DHX37: variants seen among roughly 807,000 people sequenced by gnomAD.
The protein encoded by DHX37 is probable ATP-dependent RNA helicase DHX37.
A neutral mutation model predicts 134.3 loss-of-function variants in DHX37; 52 were observed. That is an observed-to-expected ratio of 0.39 (90% CI 0.31 to 0.49). The LOEUF (loss-of-function observed/expected upper bound fraction) is 0.49, where lower values mean the gene tolerates loss of function less well. DHX37 is among the 20% of genes least tolerant of loss of function. The pLI is 0.93. For missense variants in DHX37, 1,344 were observed against 1,580.8 expected (o/e 0.85, Z 2.54); for synonymous variants, 634 against 670.7 (o/e 0.95, Z 0.85).
chr12:124,964,485 C>A lies in DHX37; in HGVS notation c.1954G>T (p.Val652Leu). Reference sequence around the variant, plus strand: ...ACCCAGGTGACACGGAAGGAGGATACGCCAGTGACGCGGTCGTAGTAGCGT... The same window carrying A: ...ACCCAGGTGACACGGAAGGAGGATAAGCCAGTGACGCGGTCGTAGTAGCGT... ...KKRYYDRVTG[V>L]SSFRVTWVSQ... Residue 652 changes from valine to leucine, a missense_variant, in exon 15 of 27, where the codon GTA (valine) becomes TTA (leucine). By Grantham distance (32) the Val-to-Leu change is conservative. Around this residue, in one of 7 missense-constraint regions of DHX37, gnomAD observed 39 missense variants for 87.9 expected, o/e 0.44. Transcript: ENST00000308736. 1 of 1,614,204 alleles carries A rather than the reference C, an allele frequency of 6.2e-7. No homozygotes were observed. The highest frequency in any genetic ancestry group is 8.5e-7 in the Non-Finnish European group (1 of 1,180,024).
chr12:124,965,935 C>A, intron 12 of DHX37, 123 bp from the exon 13 acceptor site: 5 of 1,237,788 alleles, frequency 4.0e-6, no homozygotes, highest in Non-Finnish European at 5.5e-6. Context: ...CCATGCAACC[C>A]GGGGCAGGCC....
At position 124,971,627 on chromosome 12, in the gene DHX37, C is replaced by T. The variant is rs185084768; in HGVS notation, c.1078-212G>A. On this transcript the variant is annotated intron_variant, in intron 7 of 26. Coordinates refer to ENST00000308736, the MANE Select transcript of DHX37 (RefSeq NM_032656.4). ...GGTGGGGCCGTGGGCAGTTGGACAG[C>T]AGGTGCCACACAGACAGGGGCCACC... Among the ~76,000 whole-genome samples, 59 of 152,288 alleles carry T rather than the reference C, an allele frequency of 3.9e-4. 3 individuals are homozygous for T. The East Asian group carries it at 9.3e-3, about 24-fold the overall frequency.
At chr12:124,967,045 G>C in intron 11 of DHX37, 78 bp downstream of exon 11, 5 of 1,562,808 alleles carry the variant, frequency 3.2e-6, no homozygotes, top group Non-Finnish European at 4.4e-6. Context: ...TCAGAGGCAG[G>C]AGCTGCACCC....
chr12:124,949,909 G>C lies in DHX37; in HGVS notation c.3290+77C>G, dbSNP rs1203951979. ...TAAGCCTCCCTGTGTGTGGTGCTTTGTCCTGGCAGCCCCGGGGAGGTCATT... is the reference window on the plus strand; with the variant it reads ...TAAGCCTCCCTGTGTGTGGTGCTTTCTCCTGGCAGCCCCGGGGAGGTCATT... On this transcript the variant is annotated intron_variant, in intron 25 of 26. Coordinates refer to ENST00000308736, the MANE Select transcript of DHX37 (RefSeq NM_032656.4). The surrounding 1 kb of genome is among the most constrained non-coding windows in gnomAD (Gnocchi z 4.0). The C allele has an allele frequency of 1.4e-5, 21 of 1,458,992 alleles. No homozygotes were observed. Among genetic ancestry groups the C allele is most frequent in the Non-Finnish European group, 1.8e-5 (19 of 1,069,652 alleles). 90.4% of individuals were successfully genotyped at this position (1,458,992 alleles called of 1,614,324 possible).
At position 124,980,384 on chromosome 12, in the gene DHX37, T is replaced by C. The variant is rs1206552604; in HGVS notation, c.738+106A>G. The C allele has an allele frequency of 6.4e-6, 8 of 1,254,566 alleles. No individual in the cohort carries two copies. The Admixed American group carries it at 1.1e-4, about 17-fold the overall frequency. The allele number at this position is 1,254,566 out of a possible 1,614,324, so 77.7% of individuals were successfully genotyped here. On this transcript the variant is annotated intron_variant, in intron 4 of 26. Transcript: ENST00000308736. This position sits in a 1 kb window ranked among gnomAD's most constrained non-coding sequence, Gnocchi z 5.3. ...CTCTCCCCTTTCCCAGATGGGGACATGGAGGCACAGAGAAGGGATGCCCTT... is the reference window on the plus strand; with the variant it reads ...CTCTCCCCTTTCCCAGATGGGGACACGGAGGCACAGAGAAGGGATGCCCTT...
chr12:124,969,085 C>T, intron 8 of DHX37, 117 bp from the exon 9 acceptor site: 1 of 974,240 alleles, frequency 1.0e-6, no homozygotes. Context: ...CACCCTCTGC[C>T]CCTTTCTGGA....
At chr12:124,972,020 C>A (rs1954534702) in intron 7 of DHX37, among the ~76,000 whole-genome samples, 1 of 152,226 alleles carries the variant, frequency 6.6e-6, no homozygotes, top group African/African-American at 2.4e-5. Context: ...GCCCCAGCGG[C>A]CCCTCCCCTT....
Position 124,975,414 on chromosome 12 carries a change from C to G in DHX37, c.980+5G>C. On this transcript the variant is annotated splice_donor_5th_base_variant and intron_variant, in intron 6 of 26. Transcript: ENST00000308736. ...TAGTCCGCCCCAGGGAAGTAGAGCC[C>G]TCACCGCTGGGACAGATTCATCTCC... 6.2e-7 allele frequency: 1 copy of G among 1,612,716 alleles called. No individual in the cohort carries two copies. The highest frequency in any genetic ancestry group is 8.5e-7 in the Non-Finnish European group (1 of 1,179,850).
rs781670352 is a variant in DHX37 at position 124,988,943 on chromosome 12, G to A, written c.80C>T (p.Pro27Leu). Residue 27 changes from proline to leucine, a missense_variant, in exon 1 of 27, where the codon CCG becomes CTG. By Grantham distance (98) the Pro-to-Leu change is moderately conservative (BLOSUM62 -3). Transcript: ENST00000308736. ...CTCCAGTTCCAGCTGCACGGGGGGC[G>A]GCTCGGGGGGGCCCTTCGAGGGTCC... is the stretch of plus-strand genomic sequence containing the variant. ...GPGPSKGPPE[P>L]PPVQLELEDK... 2 of 1,338,388 alleles carry A rather than the reference G, an allele frequency of 1.5e-6. No individual in the cohort carries two copies. The highest frequency in any genetic ancestry group is 1.5e-5 in the African/African-American group (1 of 66,636). 82.9% of individuals were successfully genotyped at this position (1,338,388 alleles called of 1,614,324 possible).
In DHX37 at chr12:124,949,216, G is replaced by A. The variant is rs1953926309; in HGVS notation, c.3290+770C>T. On this transcript the variant is annotated intron_variant, in intron 25 of 26. Transcript: ENST00000308736. The surrounding 1 kb of genome is among the most constrained non-coding windows in gnomAD (Gnocchi z 4.0). ...GGCCACACTGGAAAACGTGAGCTGAGTGACTGACACGGCTCCTGACAGCCC... is the reference window on the plus strand; with the variant it reads ...GGCCACACTGGAAAACGTGAGCTGAATGACTGACACGGCTCCTGACAGCCC... 6.6e-6 allele frequency among the ~76,000 whole-genome samples: 1 copy of A among 152,222 alleles called. No homozygotes were observed. The highest frequency in any genetic ancestry group is 1.5e-5 in the Non-Finnish European group (1 of 68,042).
intron 15 of DHX37, among the ~76,000 whole-genome samples, chr12:124,964,103 G>A (rs1179845140): frequency 6.7e-6 from 1 of 148,742 alleles, no homozygotes; most frequent in Admixed American, 6.9e-5. Context: ...GCTAAGGCAG[G>A]AGAATTGCTT....
chr12:124,966,660 G>T, intron 12 of DHX37, 133 bp downstream of exon 12: 1 of 950,606 alleles, frequency 1.1e-6, no homozygotes, highest in South Asian at 1.6e-5. Context: ...CACTGTGCCT[G>T]ACCAGGAACT....
chr12:124,969,084 C>T, intron 8 of DHX37, 116 bp from the exon 9 acceptor site: 1 of 986,920 alleles, frequency 1.0e-6, no homozygotes, highest in Non-Finnish European at 1.5e-6. Flanking sequence ...CCACCCTCTG[C>T]CCCTTTCTGG....
At chr12:124,982,122 C>CA (rs1224123465) in intron 3 of DHX37, among the ~76,000 whole-genome samples, 3,673 of 117,068 alleles carry the variant, frequency 0.031, 118 homozygotes, top group African/African-American at 0.096. Flanking sequence ...GACTCTGTCT[C>CA]AAAAAAAAAA....
In DHX37 at chr12:124,989,124, TC is replaced by T. The variant is rs952834199; in HGVS notation, c.-103del. On this transcript the variant is annotated 5_prime_UTR_variant, in exon 1 of 27. Transcript: ENST00000308736. ...GACCACCAACTCCGGCCGTGAGACT[TC>T]CGGGTTGTGTTATCGCGAGAACTGT... 1.4e-6 allele frequency: 1 copy of T among 711,594 alleles called. No individual in the cohort carries two copies. The highest frequency in any genetic ancestry group is 1.8e-5 in the African/African-American group (1 of 54,076). The allele number at this position is 711,594 out of a possible 1,614,324, so 44.1% of individuals were successfully genotyped here. A position where few individuals can be genotyped will look rare whatever the true frequency, so the allele number is the denominator to read the frequency against.
chr12:124,956,791 C>A lies in DHX37; in HGVS notation c.2353G>T (p.Ala785Ser). The change falls in exon 18 of 27, where the codon GCT becomes TCT. Residue 785 changes from alanine to serine, a missense_variant. Physicochemically the swap from Ala to Ser is moderately conservative, Grantham distance 99 (BLOSUM62 1). Coordinates refer to ENST00000308736, the MANE Select transcript of DHX37 (RefSeq NM_032656.4). ...TGTCGGCTCAGTGCCAGCATCTTAG[C>A]GTAGCGGGGTGCCACGGGGAATGTG... ...MATFPVAPRY[A>S]KMLALSRQHG... 4.3e-6 allele frequency: 7 copies of A among 1,612,064 alleles called. No individual in the cohort carries two copies. The highest frequency in any genetic ancestry group is 5.9e-6 in the Non-Finnish European group (7 of 1,178,562).
intron 5 of DHX37, 104 bp downstream of exon 5, chr12:124,977,238 C>T: frequency 7.3e-7 from 1 of 1,376,626 alleles, no homozygotes; most frequent in Non-Finnish European, 9.6e-7. Context: ...ATGCACAGGG[C>T]AGATCCAGGA....
At chr12:124,972,632 C>T (rs199735576) in intron 6 of DHX37, 33 bp from the exon 7 acceptor site, 118 of 1,611,136 alleles carry the variant, frequency 7.3e-5, no homozygotes, top group East Asian at 2.9e-4. Flanking sequence ...AGGGCAGAGC[C>T]GTGCCTGGCT....
intron 5 of DHX37, among the ~76,000 whole-genome samples, chr12:124,976,266 T>G (rs1157750325): frequency 6.6e-6 from 1 of 152,246 alleles, no homozygotes; most frequent in Non-Finnish European, 1.5e-5. Flanking sequence ...TGCCCTCTGC[T>G]GATCGCGTCC....
Sources: gnomAD v4.1 joint callset for allele counts (sites outside exome capture counted in the v4.1 genomes callset) on GRCh38, gnomAD v4.1.1 for gene constraint, gnomAD v4.1.1 regional missense constraint, Gnocchi (gnomAD v3.1) non-coding constraint, MANE v1.5 for transcripts, NCBI Gene and HGNC (gene_info 2026-07-23, HGNC 2026-07-21) for gene names.